Variants in MOCOS observed in about 807,000 individuals in gnomAD.
MOCOS encodes the protein molybdenum cofactor sulfurase, also known as human molybdenum cofactor sulfurase.
A neutral mutation model predicts 83.6 loss-of-function variants in MOCOS; 86 were observed. The ratio of observed to expected loss-of-function variants is 1.03; its 90% CI spans 0.86 to 1.23. MOCOS has a LOEUF of 1.23. Ranked by LOEUF, MOCOS falls within the 50% of genes most tolerant of loss-of-function variation. MOCOS has a pLI of 0.00. For missense variants in MOCOS, 1,120 were observed against 1,126.9 expected (o/e 0.99, Z 0.09); for synonymous variants, 445 against 434.7 (o/e 1.02, Z -0.29).
intron 9 of MOCOS, among the ~76,000 whole-genome samples, chr18:36,247,448 A>G (rs1490282467): frequency 6.6e-6 from 1 of 152,056 alleles, no homozygotes; most frequent in African/African-American, 2.4e-5. Flanking sequence ...TCAAGCTAGG[A>G]GCTTCCTTCA....
chr18:36,263,870 T>C (rs1363661512), intron 13 of MOCOS, among the ~76,000 whole-genome samples: 1 of 152,150 alleles, frequency 6.6e-6, no homozygotes, highest in Non-Finnish European at 1.5e-5. Flanking sequence ...TTTAAGAAAA[T>C]TGTTTCTTTT....
At position 36,249,020 on chromosome 18, in the gene MOCOS, GA is replaced by G. The variant is rs775413042; in HGVS notation, c.2039+24del. 3.7e-6 allele frequency: 6 copies of G among 1,605,714 alleles called. No individual in the cohort carries two copies. Among genetic ancestry groups the G allele is most frequent in the Admixed American group, 1.7e-5 (1 of 59,948 alleles). ...TGACAGGTGAGACTCTGAAGCACGT[GA>G]AAATCTCAGCTTTATTGACAGGCTG... On this transcript the variant is annotated intron_variant, in intron 10 of 14. Coordinates refer to ENST00000261326, the MANE Select transcript of MOCOS (RefSeq NM_017947.4).
intron 13 of MOCOS, among the ~76,000 whole-genome samples, chr18:36,264,867 T>C (rs183446311): frequency 6.6e-6 from 1 of 152,116 alleles, no homozygotes; most frequent in Admixed American, 6.5e-5. Flanking sequence ...CTTTTCCCAA[T>C]TAAAAACAAA....
intron 9 of MOCOS, among the ~76,000 whole-genome samples, chr18:36,238,615 T>C (rs1267727725): frequency 1.4e-5 from 2 of 145,908 alleles, no homozygotes; most frequent in Admixed American, 7.0e-5. Context: ...ATTCTGTTGA[T>C]TTGGGGTGGA....
intron 13 of MOCOS, among the ~76,000 whole-genome samples, chr18:36,263,214 A>C (rs1370379026): frequency 6.6e-6 from 1 of 152,220 alleles, no homozygotes; most frequent in Non-Finnish European, 1.5e-5. Context: ...TTTTTACTGG[A>C]TGTCATCAAG....
At position 36,270,937 on chromosome 18, in the gene MOCOS, C is replaced by G. The variant is rs1598599818; in HGVS notation, c.*2252C>G. The G allele has an allele frequency of 6.6e-6, 1 of 151,426 alleles. No homozygotes were observed. The highest frequency in any genetic ancestry group is 1.5e-5 in the Non-Finnish European group (1 of 67,922). The allele number at this position is 151,426 out of a possible 1,614,324, so 9.4% of individuals were successfully genotyped here. ...TCAAGCGATTCCCCTGCCTCAGCCTCCCAAGTAGCTGGGACTACAGGCACA... is the reference window on the plus strand; with the variant it reads ...TCAAGCGATTCCCCTGCCTCAGCCTGCCAAGTAGCTGGGACTACAGGCACA... On this transcript the variant is annotated 3_prime_UTR_variant, in exon 15 of 15. Coordinates refer to ENST00000261326, the MANE Select transcript of MOCOS (RefSeq NM_017947.4).
chr18:36,194,535 T>C (rs2091379466), intron 1 of MOCOS, among the ~76,000 whole-genome samples: 1 of 152,152 alleles, frequency 6.6e-6, no homozygotes, highest in Non-Finnish European at 1.5e-5. Context: ...CACAAAAGTG[T>C]GGGTATTTGT....
intron 10 of MOCOS, among the ~76,000 whole-genome samples, chr18:36,250,735 G>A (rs762318834): frequency 5.9e-5 from 9 of 152,324 alleles, no homozygotes; most frequent in Non-Finnish European, 1.2e-4. Context: ...CAGGCACAGT[G>A]TTCATTTTAC....
At chr18:36,214,822 A>G (rs1005492714) in intron 7 of MOCOS, among the ~76,000 whole-genome samples, 8 of 152,194 alleles carry the variant, frequency 5.3e-5, no homozygotes, top group South Asian at 2.1e-4. Flanking sequence ...ATTTGGTCCT[A>G]TGGAACGCTG....
chr18:36,235,598 G>C (rs1267866686), intron 9 of MOCOS, among the ~76,000 whole-genome samples: 21 of 141,942 alleles, frequency 1.5e-4, no homozygotes, highest in African/African-American at 5.6e-4. Context: ...ACATACGTGT[G>C]CATGTGTCTT....
chr18:36,250,831 C>A (rs2091619138), intron 10 of MOCOS, among the ~76,000 whole-genome samples: 1 of 152,148 alleles, frequency 6.6e-6, no homozygotes. Flanking sequence ...GGTTCAAGGG[C>A]TTCTGAAAGC....
intron 12 of MOCOS, 40 bp from the exon 13 acceptor site, chr18:36,259,997 C>A: frequency 6.2e-7 from 1 of 1,612,748 alleles, no homozygotes; most frequent in Non-Finnish European, 8.5e-7. Flanking sequence ...AATTATCTGC[C>A]ATCCTCCCCC....
intron 11 of MOCOS, among the ~76,000 whole-genome samples, chr18:36,254,090 A>T (rs114687975): frequency 2.5e-3 from 382 of 152,294 alleles, no homozygotes; most frequent in African/African-American, 8.8e-3. Context: ...TCCCTGCACG[A>T]TGCAGAATCA....
At chr18:36,247,728 C>T (rs1032704820) in intron 9 of MOCOS, among the ~76,000 whole-genome samples, 2 of 152,218 alleles carry the variant, frequency 1.3e-5, no homozygotes, top group African/African-American at 4.8e-5. Context: ...CCTTCTCACA[C>T]TTTGGGAACT....
In MOCOS at chr18:36,260,179, A is replaced by G; in HGVS notation, c.2409+4A>G. The G allele has an allele frequency of 6.2e-7, 1 of 1,614,102 alleles. No individual in the cohort carries two copies. The highest frequency in any genetic ancestry group is 1.6e-4 in the Middle Eastern group (1 of 6,062). On this transcript the variant is annotated splice_donor_region_variant and intron_variant, in intron 13 of 14. Coordinates refer to ENST00000261326, the MANE Select transcript of MOCOS (RefSeq NM_017947.4). ...AATTGGCTCTTTGCGTTTCCAGGTA[A>G]GTTTGGGGAAGTTCTATTATCCTTC...
chr18:36,209,973 C>T (rs765801577), intron 6 of MOCOS, among the ~76,000 whole-genome samples: 3 of 152,060 alleles, frequency 2.0e-5, no homozygotes, highest in Non-Finnish European at 4.4e-5. Context: ...CAAGGTGCTG[C>T]GATTACAGGT....
At position 36,215,904 on chromosome 18, in the gene MOCOS, T is replaced by C. The variant is rs114735250; in HGVS notation, c.1724T>C (p.Leu575Pro). The change falls in exon 8 of 15, where the codon CTG becomes CCG. Residue 575 changes from leucine to proline, a missense_variant. Transcript: ENST00000261326. Reference sequence around the variant, plus strand: ...CCTTCAGAGAAAGCTGCAGGAGTCCTGGAGGGGGCCCTTGGGCCACATGTT... The same window carrying C: ...CCTTCAGAGAAAGCTGCAGGAGTCCCGGAGGGGGCCCTTGGGCCACATGTT... The part of the protein sequence containing the change: ...PTPSEKAAGV[L>P]EGALGPHVVT... 8.8e-4 allele frequency: 1,413 copies of C among 1,613,954 alleles called. 14 individuals are homozygous for C. In the African/African-American group the frequency reaches 0.017, roughly 19 times the overall value.
chr18:36,239,105 C>A (rs1263829976), intron 9 of MOCOS, among the ~76,000 whole-genome samples: 1 of 149,678 alleles, frequency 6.7e-6, no homozygotes, highest in Admixed American at 6.7e-5. Context: ...CAGTCTGTGT[C>A]TTTTAATTGG....
Position 36,251,263 on chromosome 18 carries a change from C to T in MOCOS, c.2144C>T (p.Ala715Val). The change falls in exon 11 of 15, where the codon GCA becomes GTA. Residue 715 changes from alanine (A) to valine (V), a missense_variant. Physicochemically the swap from Ala to Val is moderately conservative, Grantham distance 64 (BLOSUM62 0). Transcript: ENST00000261326. ...CAAAGTTCAAACTCTCAAAGGAATG[C>T]AAAGAAGAAACATGGAAAAGGTATT... ...IKQSSNSQRN[A>V]KKKHGKDQLP... 6.2e-7 allele frequency: 1 copy of T among 1,614,020 alleles called. No homozygotes were observed. Among genetic ancestry groups the T allele is most frequent in the South Asian group, 1.1e-5 (1 of 91,070 alleles).
Sources: gnomAD v4.1 joint callset for allele counts (sites outside exome capture counted in the v4.1 genomes callset) on GRCh38, gnomAD v4.1.1 for gene constraint, MANE v1.5 for transcripts, NCBI Gene and HGNC (gene_info 2026-07-23, HGNC 2026-07-21) for gene names.